OPRM1: variants seen among roughly 807,000 people sequenced by gnomAD.
OPRM1 encodes opioid receptor mu 1, also known as mu-type opioid receptor.
A neutral mutation model predicts 31.8 loss-of-function variants in OPRM1; 27 were observed. That is an observed-to-expected ratio of 0.85 (90% CI 0.63 to 1.17). OPRM1 has a LOEUF of 1.17. Among genes scored for constraint, OPRM1 ranks in the 50% most tolerant of loss-of-function variants. The pLI is 0.00. For synonymous variants in OPRM1, 196 were observed against 189.9 expected, an observed-to-expected ratio of 1.03 and a Z score of -0.26; for missense variants, 536 against 511.1, an observed-to-expected ratio of 1.05 and a Z score of -0.47.
intron 3 of OPRM1, among the ~76,000 whole-genome samples, chr6:154,118,113 G>A (rs1033309023): frequency 1.3e-5 from 2 of 152,010 alleles, no homozygotes; most frequent in African/African-American, 4.8e-5. Context: ...GAAAATAGCA[G>A]GCCACATTTC....
intron 1 of OPRM1, among the ~76,000 whole-genome samples, chr6:154,020,626 A>G (rs1778310933): frequency 6.6e-6 from 1 of 152,186 alleles, no homozygotes; most frequent in Non-Finnish European, 1.5e-5. Flanking sequence ...TCGGATTATG[A>G]TCGGCACTGT....
rs1234554754 is a variant in OPRM1, at chr6:154,128,713, C to A, written c.*9992C>A. On this transcript the variant is annotated 3_prime_UTR_variant, in exon 4 of 4. Coordinates refer to ENST00000330432, the MANE Select transcript of OPRM1 (RefSeq NM_000914.5). ...TTCCCAGAGACAGCTGGAGACTGAG[C>A]ACATAAAGACATCATTGAGGAAAAA... 6.6e-6 allele frequency among the ~76,000 whole-genome samples: 1 copy of A among 152,084 alleles called. No individual in the cohort carries two copies. The highest frequency in any genetic ancestry group is 2.4e-5 in the African/African-American group (1 of 41,400).
intron 3 of OPRM1, among the ~76,000 whole-genome samples, chr6:154,098,288 TG>T (rs34167857): frequency 0.65 from 98,356 of 151,920 alleles, 32,370 homozygotes; most frequent in East Asian, 0.9. Flanking sequence ...CTTCTTTTCC[TG>T]ACTGTTCTAA....
intron 3 of OPRM1, among the ~76,000 whole-genome samples, chr6:154,198,100 A>T (rs1038857265): frequency 6.6e-6 from 1 of 152,190 alleles, no homozygotes; most frequent in African/African-American, 2.4e-5. Context: ...TCTCAGAATG[A>T]GTAAAGACCT....
intron 3 of OPRM1, among the ~76,000 whole-genome samples, chr6:154,102,837 C>T (rs976236122): frequency 6.6e-6 from 1 of 151,630 alleles, no homozygotes; most frequent in African/African-American, 2.4e-5. Context: ...TGGAACCAAA[C>T]CCCAGGTGTC....
At chr6:154,056,598 G>C (rs1441102367) in intron 1 of OPRM1, among the ~76,000 whole-genome samples, 1 of 151,610 alleles carries the variant, frequency 6.6e-6, no homozygotes, top group Non-Finnish European at 1.5e-5. Flanking sequence ...TGACAACCTG[G>C]AATCTTACGG....
chr6:154,029,397 T>G (rs1393277015), intron 1 of OPRM1, among the ~76,000 whole-genome samples: 1 of 152,216 alleles, frequency 6.6e-6, no homozygotes, highest in East Asian at 1.9e-4. Flanking sequence ...TGAAACTGCC[T>G]TCAAAAAATT....
At chr6:154,226,980 T>C (rs1479930177) in intron 3 of OPRM1, among the ~76,000 whole-genome samples, 1 of 152,034 alleles carries the variant, frequency 6.6e-6, no homozygotes, top group African/African-American at 2.4e-5. Context: ...GCGGATCACC[T>C]GAGGTTAGGA....
At chr6:154,085,743 C>T (rs1394653901) in intron 1 of OPRM1, among the ~76,000 whole-genome samples, 2 of 152,172 alleles carry the variant, frequency 1.3e-5, no homozygotes, top group South Asian at 2.1e-4. Flanking sequence ...AAAGATAATT[C>T]TTCCTGCAGG....
At chr6:154,230,130 A>AT (rs1779608008) in intron 3 of OPRM1, among the ~76,000 whole-genome samples, 1 of 152,222 alleles carries the variant, frequency 6.6e-6, no homozygotes, top group South Asian at 2.1e-4. Context: ...AAACTGATTT[A>AT]TTATGATGGT....
intron 3 of OPRM1, among the ~76,000 whole-genome samples, chr6:154,187,545 G>A (rs540586789): frequency 6.6e-6 from 1 of 152,254 alleles, no homozygotes; most frequent in Non-Finnish European, 1.5e-5. Context: ...AGCATTAGGT[G>A]GGTGACCTGT....
chr6:154,014,689 G>A (rs564038963), intron 1 of OPRM1, among the ~76,000 whole-genome samples: 1 of 152,140 alleles, frequency 6.6e-6, no homozygotes, highest in Non-Finnish European at 1.5e-5. Context: ...TGTGGTATAT[G>A]CATTTCTAAA....
At chr6:154,053,546 A>T (rs902310841) in intron 1 of OPRM1, among the ~76,000 whole-genome samples, 9 of 152,222 alleles carry the variant, frequency 5.9e-5, no homozygotes, top group African/African-American at 2.2e-4. Flanking sequence ...AGCTGGGTAA[A>T]AAGGAGTGCT....
Position 154,015,902 on chromosome 6 carries a change from C to T in OPRM1, c.-1+4884C>T, listed in dbSNP as rs1161088778. Among the ~76,000 whole-genome samples, 3 of 151,956 alleles carry T rather than the reference C, an allele frequency of 2.0e-5. No individual in the cohort carries two copies. The East Asian group carries it at 5.8e-4, about 29-fold the overall frequency. On this transcript the variant is annotated intron_variant, in intron 1 of 5. Coordinates refer to the OPRM1 transcript ENST00000434900. ...TAAGAGAAATAAAATTAAAACTACA[C>T]TGAGATATCATTTCTCACCTACTAG... is the stretch of plus-strand genomic sequence containing the variant.
Position 154,052,844 on chromosome 6 carries a change from A to C in OPRM1, c.290+13010A>C, listed in dbSNP as rs144032605. Among the ~76,000 whole-genome samples the C allele has an allele frequency of 5.3e-4, 80 of 152,336 alleles. No homozygotes were observed. In the East Asian group the frequency reaches 0.015, roughly 29 times the overall value. On this transcript the variant is annotated intron_variant, in intron 1 of 3. Transcript: ENST00000330432. ...TATGTATATACCCACAAAAATTAAA[A>C]ATTAACAAAAACCTAGACCAACTCA...
chr6:154,183,605 A>G (rs1297778457), intron 3 of OPRM1, among the ~76,000 whole-genome samples: 1 of 152,208 alleles, frequency 6.6e-6, no homozygotes, highest in Non-Finnish European at 1.5e-5. Context: ...ACAAAGTGAT[A>G]AAAAGAAAGA....
In OPRM1 at chr6:154,127,595, TGTG is replaced by T. The variant is rs1189545648; in HGVS notation, c.*8879_*8881del. Among the ~76,000 whole-genome samples the T allele has an allele frequency of 1.3e-5, 2 of 152,208 alleles. No homozygotes were observed. The highest frequency in any genetic ancestry group is 2.9e-5 in the Non-Finnish European group (2 of 68,030). Reference sequence around the variant, plus strand: ...TGTACCTGTGCTCATGACTTGACATTGTGGTGGGCCGGCTACAACCCTCCCCAC... The same window carrying T: ...TGTACCTGTGCTCATGACTTGACATTGTGGGCCGGCTACAACCCTCCCCAC... On this transcript the variant is annotated 3_prime_UTR_variant, in exon 4 of 4. Transcript: ENST00000330432.
At chr6:154,103,008 G>GA (rs1169877990) in intron 3 of OPRM1, among the ~76,000 whole-genome samples, 3 of 148,744 alleles carry the variant, frequency 2.0e-5, no homozygotes, top group South Asian at 2.1e-4. Context: ...GCTTCTTTTA[G>GA]AAAAAAAATG....
chr6:154,058,245 A>G (rs1783714524), intron 1 of OPRM1, among the ~76,000 whole-genome samples: 1 of 152,200 alleles, frequency 6.6e-6, no homozygotes, highest in Admixed American at 6.5e-5. Flanking sequence ...CTTCTGCTAT[A>G]TCAAAAAATT....
Sources: allele counts gnomAD v4.1 joint callset (sites outside exome capture counted in the v4.1 genomes callset), GRCh38; gene constraint gnomAD v4.1.1; transcripts MANE v1.5; gene names NCBI Gene and HGNC (gene_info 2026-07-23, HGNC 2026-07-21).